HIVEP3: variants seen among roughly 807,000 people sequenced by gnomAD.
HIVEP3 encodes HIVEP zinc finger 3, also known as transcription factor HIVEP3.
Under a neutral mutation model 152.8 loss-of-function variants are expected in HIVEP3, and 49 were observed. That is an observed-to-expected ratio of 0.32 (90% confidence interval 0.26 to 0.41). The LOEUF is 0.41. HIVEP3 is among the 10% of genes least tolerant of loss of function. HIVEP3 has a pLI of 1.00. For synonymous variants in HIVEP3, 1,269 were observed against 1,289.0 expected, an observed-to-expected ratio of 0.98 and a Z score of 0.33; for missense variants, 2,790 against 3,103.3, an observed-to-expected ratio of 0.90 and a Z score of 2.40.
intron 1 of HIVEP3, among the ~76,000 whole-genome samples, chr1:41,791,910 C>T (rs149003925): frequency 5.3e-5 from 8 of 152,068 alleles, no homozygotes; most frequent in African/African-American, 1.7e-4. Flanking sequence ...TCACACCCTT[C>T]CCCCTCTCCT....
intron 5 of HIVEP3, among the ~76,000 whole-genome samples, chr1:41,573,156 GA>G (rs1006202428): frequency 3.9e-5 from 6 of 151,962 alleles, no homozygotes; most frequent in African/African-American, 1.2e-4. Flanking sequence ...AAAAAAGAAA[GA>G]AAAAAAAGGA....
chr1:42,020,073 ATC>A (rs1307165736), intron 1 of HIVEP3, among the ~76,000 whole-genome samples: 1 of 151,958 alleles, frequency 6.6e-6, no homozygotes, highest in African/African-American at 2.4e-5. Flanking sequence ...ATAATGTATT[ATC>A]TTTTTTATGT....
rs190753608 is a variant in HIVEP3 at position 41,927,050 on chromosome 1, G to C, written n.120-8526C>G. Reference sequence around the variant, plus strand: ...CTCAGGCGAGGATGTAGCCTTGTCAGGCTGTTTGGGTTCAAGAACCAGGAG... The same window carrying C: ...CTCAGGCGAGGATGTAGCCTTGTCACGCTGTTTGGGTTCAAGAACCAGGAG... On this transcript the variant is annotated intron_variant and non_coding_transcript_variant, in intron 1 of 3. Transcript: ENST00000489103. 1.9e-3 allele frequency among the ~76,000 whole-genome samples: 287 copies of C among 152,354 alleles called. 1 individual carries two copies. Among genetic ancestry groups the C allele is most frequent in the African/African-American group, 6.4e-3 (266 of 41,584 alleles).
intron 3 of HIVEP3, among the ~76,000 whole-genome samples, chr1:41,622,601 T>G (rs1645062207): frequency 1.3e-5 from 2 of 152,188 alleles, no homozygotes; most frequent in African/African-American, 4.8e-5. Context: ...CAAGAGAGAC[T>G]ATATGCCCGG....
rs189255664 is a variant in HIVEP3, at chr1:41,745,852, T to C, written c.-800-44857A>G. Among the ~76,000 whole-genome samples the C allele has an allele frequency of 4.8e-3, 738 of 152,372 alleles. 2 individuals carry two copies. Among genetic ancestry groups the C allele is most frequent in the Non-Finnish European group, 7.3e-3 (495 of 68,030 alleles). On this transcript the variant is annotated intron_variant, in intron 1 of 8. Coordinates refer to ENST00000372583, the MANE Select transcript of HIVEP3 (RefSeq NM_024503.5). ...CCCTGAGAAAGCAGATGCGGCTGTT[T>C]CACAGGCCTCCTTGCTGAGGCTTCA...
chr1:42,018,306 T>C (rs1372089236), intron 1 of HIVEP3, among the ~76,000 whole-genome samples: 1 of 150,776 alleles, frequency 6.6e-6, no homozygotes, highest in Non-Finnish European at 1.5e-5. Context: ...TGTTTGGCTA[T>C]TCTAAGGATA....
chr1:41,538,149 A>T (rs1003014117), intron 5 of HIVEP3, among the ~76,000 whole-genome samples: 1 of 152,104 alleles, frequency 6.6e-6, no homozygotes, highest in Non-Finnish European at 1.5e-5. Flanking sequence ...TGCAGAAGAA[A>T]CACCTTTGTC....
chr1:41,556,728 T>C (rs1643971571), intron 5 of HIVEP3, among the ~76,000 whole-genome samples: 1 of 152,240 alleles, frequency 6.6e-6, no homozygotes, highest in Non-Finnish European at 1.5e-5. Context: ...CATGAAGTTC[T>C]TCCCTTATGT....
intron 2 of HIVEP3, among the ~76,000 whole-genome samples, chr1:41,660,402 T>C (rs1645695242): frequency 6.6e-6 from 1 of 152,256 alleles, no homozygotes; most frequent in African/African-American, 2.4e-5. Context: ...GCAGCAAGAC[T>C]GGTTCTAGAG....
intron 1 of HIVEP3, among the ~76,000 whole-genome samples, chr1:41,935,304 G>A (rs769363227): frequency 4.6e-5 from 7 of 152,044 alleles, no homozygotes; most frequent in Non-Finnish European, 1.0e-4. Context: ...TTAATTCCCA[G>A]GTCAGATTTT....
chr1:42,014,383 G>A (rs1481993180), intron 1 of HIVEP3, among the ~76,000 whole-genome samples: 1 of 152,004 alleles, frequency 6.6e-6, no homozygotes. Flanking sequence ...AGGAAGGAGG[G>A]GGTGCAAAGC....
At chr1:41,605,415 G>A (rs1296358576) in intron 3 of HIVEP3, among the ~76,000 whole-genome samples, 1 of 149,738 alleles carries the variant, frequency 6.7e-6, no homozygotes, top group Non-Finnish European at 1.5e-5. Flanking sequence ...ACATACATAT[G>A]TTAAAAAGAA....
At chr1:41,910,988 T>C (rs1384228673) in intron 1 of HIVEP3, among the ~76,000 whole-genome samples, 1 of 151,968 alleles carries the variant, frequency 6.6e-6, no homozygotes, top group African/African-American at 2.4e-5. Context: ...AAATGTTCAA[T>C]GATAAAGGAA....
At position 41,575,634 on chromosome 1, in the gene HIVEP3, T is replaced by C; in HGVS notation, c.5117A>G (p.Glu1706Gly). 6.2e-7 allele frequency: 1 copy of C among 1,614,140 alleles called. No individual in the cohort carries two copies. Among genetic ancestry groups the C allele is most frequent in the Non-Finnish European group, 8.5e-7 (1 of 1,180,016 alleles). ...PEGQKDLARVEKEEERRGEPE... is the reference protein window; with the variant it reads ...PEGQKDLARVGKEEERRGEPE... ...CTCCCCTCTCCTCTCTTCTTCCTTC[T>C]CCACTCTAGCTAGATCTTTCTGGCC... Residue 1706 changes from glutamate to glycine, a missense_variant, in exon 5 of 9, where the codon GAG becomes GGG. Coordinates refer to ENST00000372583, the MANE Select transcript of HIVEP3 (RefSeq NM_024503.5).
chr1:41,823,636 G>C (rs1198237896), intron 1 of HIVEP3, among the ~76,000 whole-genome samples: 1 of 152,188 alleles, frequency 6.6e-6, no homozygotes, highest in Non-Finnish European at 1.5e-5. Context: ...AGGCATAAGC[G>C]ATCCCAGAGT....
intron 1 of HIVEP3, among the ~76,000 whole-genome samples, chr1:41,704,917 A>G (rs901296973): frequency 2.0e-5 from 3 of 152,242 alleles, no homozygotes; most frequent in Admixed American, 1.3e-4. Context: ...AGCCTACCTT[A>G]TGGTGGGCAC....
At chr1:41,793,967 A>G (rs912110500) in intron 1 of HIVEP3, among the ~76,000 whole-genome samples, 2 of 152,230 alleles carry the variant, frequency 1.3e-5, no homozygotes, top group Non-Finnish European at 2.9e-5. Context: ...TACAAAACCA[A>G]TTCCCACATT....
intron 1 of HIVEP3, among the ~76,000 whole-genome samples, chr1:41,740,833 C>A (rs1032198812): frequency 6.6e-6 from 1 of 152,152 alleles, no homozygotes; most frequent in Non-Finnish European, 1.5e-5. Context: ...ACCCAAGCAA[C>A]CCCCTGCCCT....
chr1:41,868,680 T>A (rs572914773), intron 1 of HIVEP3, among the ~76,000 whole-genome samples: 1 of 152,174 alleles, frequency 6.6e-6, no homozygotes, highest in Non-Finnish European at 1.5e-5. Flanking sequence ...CACCCTCCCA[T>A]GAGCACAGCA....
Sources: gnomAD v4.1 joint callset for allele counts (sites outside exome capture counted in the v4.1 genomes callset) on GRCh38, gnomAD v4.1.1 for gene constraint, MANE v1.5 for transcripts, NCBI Gene and HGNC (gene_info 2026-07-23, HGNC 2026-07-21) for gene names.